Variants in TMEM191C observed in about 807,000 individuals in gnomAD.
TMEM191C encodes KB-1323B2.6.
Under a neutral mutation model 37.1 loss-of-function variants are expected in TMEM191C, and 26 were observed. That is an observed-to-expected ratio of 0.70 (90% confidence interval 0.51 to 0.97). The LOEUF (loss-of-function observed/expected upper bound fraction) is 0.97. TMEM191C is among the 50% of genes least tolerant of loss of function. The probability of loss-of-function intolerance (pLI) is 0.00; values close to 1 mark genes in which losing one functional copy is unlikely to be tolerated. For synonymous variants in TMEM191C, 115 were observed against 143.7 expected, an observed-to-expected ratio of 0.80 and a Z score of 1.43; for missense variants, 240 against 294.7, an observed-to-expected ratio of 0.81 and a Z score of 1.36.
Position 21,469,182 on chromosome 22 carries a change from G to C in TMEM191C, c.578G>C (p.Ser193Thr). 1 of 884,834 alleles carries C rather than the reference G, an allele frequency of 1.1e-6. No individual in the cohort carries two copies. Among genetic ancestry groups the C allele is most frequent in the South Asian group, 1.7e-5 (1 of 59,036 alleles). The allele number at this position is 884,834 out of a possible 1,614,324, so 54.8% of individuals were successfully genotyped here. ...GCGGAGGAGCTGGACGCCTGGCAGA[G>C]TGGCCGGGAACTGTAAGGGAGTTGG... ...EAAEELDAWQ[S>T]GRELCDGQLR... Residue 193 changes from serine (S) to threonine (T), a missense_variant, in exon 7 of 10, where the codon AGT becomes ACT. Ser to Thr is a moderately conservative substitution (Grantham distance 58, BLOSUM62 1). This residue lies in a region of TMEM191C where 34 missense variants were observed against 89.0 expected (regional missense o/e 0.38). Coordinates refer to ENST00000536718, the MANE Select transcript of TMEM191C (RefSeq NM_001388354.1).
At position 21,469,763 on chromosome 22, in the gene TMEM191C, T is replaced by G. The variant is rs1162568584; in HGVS notation, c.851T>G (p.Leu284Arg). The G allele has an allele frequency of 2.0e-6, 3 of 1,531,410 alleles. No homozygotes were observed. The highest frequency in any genetic ancestry group is 2.6e-6 in the Non-Finnish European group (3 of 1,146,080). 94.9% of individuals were successfully genotyped at this position (1,531,410 alleles called of 1,614,324 possible). Residue 284 changes from leucine (L) to arginine (R), a missense_variant, in exon 10 of 10, where the codon CTG (leucine) becomes CGG (arginine). Leu to Arg is a moderately radical substitution (Grantham distance 102, BLOSUM62 -2). Transcript: ENST00000536718. ...ACCTCGGAGACGACGCTGCGCCGCC[T>G]GCGCTACACGCTGTCCCCGCTGCTG... ...SLTSETTLRR[L>R]RYTLSPLLEL... is the part of the protein sequence containing the mutation.
rs943921058 is a variant in TMEM191C at position 21,468,136 on chromosome 22, A to G, written c.280-16A>G. 2.7e-6 allele frequency: 4 copies of G among 1,498,740 alleles called. No individual in the cohort carries two copies. The highest frequency in any genetic ancestry group is 2.5e-5 in the East Asian group (1 of 40,000). 92.8% of individuals were successfully genotyped at this position (1,498,740 alleles called of 1,614,324 possible). On this transcript the variant is annotated splice_polypyrimidine_tract_variant and intron_variant, in intron 2 of 9. Transcript: ENST00000536718. ...CCGGCGGAGAGGTCGGCACCGCCCC[A>G]GGACCCCGTCCGCAGGAGCAGCACA...
intron 1 of TMEM191C, 34 bp downstream of exon 1, chr22:21,467,648 C>A: frequency 6.7e-7 from 1 of 1,498,754 alleles, no homozygotes; most frequent in Admixed American, 2.3e-5. Flanking sequence ...CTGGCGGGCG[C>A]GCGAGGGTCG....
chr22:21,468,392 C>G lies in TMEM191C; in HGVS notation c.369C>G (p.Ser123Arg), dbSNP rs1332464647. 2 of 1,534,322 alleles carry G rather than the reference C, an allele frequency of 1.3e-6. No individual in the cohort carries two copies. The highest frequency in any genetic ancestry group is 2.7e-5 in the African/African-American group (2 of 72,804). Reference protein sequence around the residue: ...YYGGELQSQKSTEQQLAAQLV... With the variant: ...YYGGELQSQKRTEQQLAAQLV... ...GAGGGGAACTGCAGAGCCAGAAGAG[C>G]ACGGAGCAGCAACTCGCAGCCCAAT... The change falls in exon 4 of 10, where the codon AGC becomes AGG. Residue 123 changes from serine (S) to arginine (R), a missense_variant. Around this residue, in one of 3 missense-constraint regions of TMEM191C, gnomAD observed 34 missense variants for 89.0 expected, o/e 0.38. Coordinates refer to ENST00000536718, the MANE Select transcript of TMEM191C (RefSeq NM_001388354.1).
In TMEM191C at chr22:21,468,441, C is replaced by A. The variant is rs1411463241; in HGVS notation, c.408+10C>A. On this transcript the variant is annotated intron_variant, in intron 4 of 9. Transcript: ENST00000536718. ...ATTGGTGACGCTGCAGGTGCTTGAG[C>A]GGGACCCTGAGGTGTTTAGTAGGGG... 4.9e-5 allele frequency: 73 copies of A among 1,500,096 alleles called. No homozygotes were observed. Among genetic ancestry groups the A allele is most frequent in the Admixed American group, 8.2e-5 (4 of 48,732 alleles). The allele number at this position is 1,500,096 out of a possible 1,614,324, so 92.9% of individuals were successfully genotyped here. A position where few individuals can be genotyped will look rare whatever the true frequency, so the allele number is the denominator to read the frequency against.
In TMEM191C at chr22:21,467,624, G is replaced by A; in HGVS notation, c.155+10G>A. On this transcript the variant is annotated intron_variant, in intron 1 of 9. Coordinates refer to ENST00000536718, the MANE Select transcript of TMEM191C (RefSeq NM_001388354.1). Reference sequence around the variant, plus strand: ...GCGAGCGGGAGCGGAGGTGCGCGGGGAACGCCCCTCTACCTGGCGGGCGCG... The same window carrying A: ...GCGAGCGGGAGCGGAGGTGCGCGGGAAACGCCCCTCTACCTGGCGGGCGCG... 6.5e-7 allele frequency: 1 copy of A among 1,530,590 alleles called. No individual in the cohort carries two copies. Among genetic ancestry groups the A allele is most frequent in the Non-Finnish European group, 8.7e-7 (1 of 1,145,260 alleles). The allele number at this position is 1,530,590 out of a possible 1,614,324, so 94.8% of individuals were successfully genotyped here.
At chr22:21,468,323 T>C in intron 3 of TMEM191C, 31 bp from the exon 4 acceptor site, 2 of 1,535,268 alleles carry the variant, frequency 1.3e-6, no homozygotes, top group Non-Finnish European at 1.7e-6. Flanking sequence ...AGAAGCCCGG[T>C]AAACCCCGCC....
Position 21,469,146 on chromosome 22 carries a change from T to G in TMEM191C, c.542T>G (p.Val181Gly). The G allele has an allele frequency of 5.3e-6, 3 of 568,640 alleles. No homozygotes were observed. Among genetic ancestry groups the G allele is most frequent in the Non-Finnish European group, 9.2e-6 (3 of 324,744 alleles). The allele number at this position is 568,640 out of a possible 1,614,324, so 35.2% of individuals were successfully genotyped here. Residue 181 changes from valine (V) to glycine (G), a missense_variant, in exon 7 of 10, where the codon GTG (valine) becomes GGG (glycine). Coordinates refer to ENST00000536718, the MANE Select transcript of TMEM191C (RefSeq NM_001388354.1). ...TVVLQEVQVK[V>G]MEAAEELDAW... ...CCGCTCCAGGAGGTGCAGGTGAAGG[T>G]GATGGAGGCTGCGGAGGAGCTGGAC...
In TMEM191C at chr22:21,469,402, TC is replaced by T. The variant is rs1185855380; in HGVS notation, c.663+63del. ...GGCTGGAGCGGGACAACCCTCCCCGTCCCCCCCGCGGTACCGCCTCCCCCTC... is the reference window on the plus strand; with the variant it reads ...GGCTGGAGCGGGACAACCCTCCCCGTCCCCCCGCGGTACCGCCTCCCCCTC... On this transcript the variant is annotated intron_variant, in intron 8 of 9. Coordinates refer to ENST00000536718, the MANE Select transcript of TMEM191C (RefSeq NM_001388354.1). The T allele has an allele frequency of 1.2e-3, 1,504 of 1,289,216 alleles. 24 individuals are homozygous for T. In the East Asian group the frequency reaches 0.031, roughly 27 times the overall value. 79.9% of individuals were successfully genotyped at this position (1,289,216 alleles called of 1,614,324 possible).
rs780347850 is a variant in TMEM191C at position 21,468,361 on chromosome 22, A to G, written c.338A>G (p.Tyr113Cys). 7 of 1,535,278 alleles carry G rather than the reference A, an allele frequency of 4.6e-6. No homozygotes were observed. The highest frequency in any genetic ancestry group is 3.6e-5 in the South Asian group (3 of 84,026). Reference sequence around the variant, plus strand: ...TACAAGCCCCGCCCCTAGCTCTTCTACTACGGAGGGGAACTGCAGAGCCAG... The same window carrying G: ...TACAAGCCCCGCCCCTAGCTCTTCTGCTACGGAGGGGAACTGCAGAGCCAG... ...QWEELSSQLFYYGGELQSQKS... is the reference protein window; with the variant it reads ...QWEELSSQLFCYGGELQSQKS... The change falls in exon 4 of 10, where the codon TAC (tyrosine) becomes TGC (cysteine). Residue 113 changes from tyrosine to cysteine, a missense_variant. Tyr to Cys is a radical substitution (Grantham distance 194, BLOSUM62 -2). Transcript: ENST00000536718.
rs888258834 is a variant in TMEM191C at position 21,469,518 on chromosome 22, C to G, written c.688C>G (p.Arg230Gly). The G allele has an allele frequency of 6.3e-5, 86 of 1,356,348 alleles. No homozygotes were observed. The African/African-American group carries it at 1.2e-3, about 18-fold the overall frequency. 84.0% of individuals were successfully genotyped at this position (1,356,348 alleles called of 1,614,324 possible). ...GGAGACGCGGCTGTTCGGCGGCCCTCGCGCGCTGGCCATCAGGTGAGCCGG... is the reference window on the plus strand; with the variant it reads ...GGAGACGCGGCTGTTCGGCGGCCCTGGCGCGCTGGCCATCAGGTGAGCCGG... ...DRETRLFGGP[R>G]ALAIRRCVLG... is the part of the protein sequence containing the mutation. The change falls in exon 9 of 10, where the codon CGC becomes GGC. Residue 230 changes from arginine to glycine, a missense_variant. Around this residue, in one of 3 missense-constraint regions of TMEM191C, gnomAD observed 76 missense variants for 100.0 expected, o/e 0.76. Coordinates refer to ENST00000536718, the MANE Select transcript of TMEM191C (RefSeq NM_001388354.1).
rs1368950556 is a variant in TMEM191C, at chr22:21,468,364, A to G, written c.341A>G (p.Tyr114Cys). ...WEELSSQLFY[Y>C]GGELQSQKST... Reference sequence around the variant, plus strand: ...AAGCCCCGCCCCTAGCTCTTCTACTACGGAGGGGAACTGCAGAGCCAGAAG... The same window carrying G: ...AAGCCCCGCCCCTAGCTCTTCTACTGCGGAGGGGAACTGCAGAGCCAGAAG... Residue 114 changes from tyrosine (Y) to cysteine (C), a missense_variant, in exon 4 of 10, where the codon TAC becomes TGC. Around this residue, in one of 3 missense-constraint regions of TMEM191C, gnomAD observed 130 missense variants for 105.7 expected, o/e 1.23. Transcript: ENST00000536718. The G allele has an allele frequency of 1.3e-6, 2 of 1,535,176 alleles. No individual in the cohort carries two copies. Among genetic ancestry groups the G allele is most frequent in the South Asian group, 1.2e-5 (1 of 84,020 alleles).
chr22:21,468,305 G>A, intron 3 of TMEM191C, 49 bp from the exon 4 acceptor site: 2 of 1,535,314 alleles, frequency 1.3e-6, no homozygotes, highest in South Asian at 1.2e-5. Flanking sequence ...CCTGACACCC[G>A]TTCCTCCAGA....
intron 3 of TMEM191C, 74 bp from the exon 4 acceptor site, chr22:21,468,280 C>T (rs1924603740): frequency 3.3e-6 from 5 of 1,534,762 alleles, no homozygotes; most frequent in Middle Eastern, 1.9e-4. Flanking sequence ...TTGTTGCCTC[C>T]CCGTCCCTGT....
At chr22:21,467,661 C>T in intron 1 of TMEM191C, 47 bp downstream of exon 1, 2 of 1,454,478 alleles carry the variant, frequency 1.4e-6, no homozygotes, top group East Asian at 2.5e-5. Flanking sequence ...GAGGGTCGGT[C>T]CCGCAGGCAG....
chr22:21,468,317 G>C, intron 3 of TMEM191C, 37 bp from the exon 4 acceptor site: 1 of 1,535,392 alleles, frequency 6.5e-7, no homozygotes, highest in Non-Finnish European at 8.7e-7. Flanking sequence ...TCCTCCAGAA[G>C]CCCGGTAAAC....
rs1185460537 is a variant in TMEM191C, at chr22:21,469,816, A to G, written c.904A>G (p.Thr302Ala). The G allele has an allele frequency of 2.6e-6, 4 of 1,532,240 alleles. No homozygotes were observed. Among genetic ancestry groups the G allele is most frequent in the Non-Finnish European group, 3.5e-6 (4 of 1,146,246 alleles). 94.9% of individuals were successfully genotyped at this position (1,532,240 alleles called of 1,614,324 possible). The stretch of plus-strand genomic sequence containing the variant: ...GCTGCGCGCTAACGGGCTTCTGCCA[A>G]CCTAAGTGCAGCGCCCCGCGCCTGG... ...LELRANGLLP[T>A] The change falls in exon 10 of 10, where the codon ACC becomes GCC. Residue 302 changes from threonine to alanine, a missense_variant. Physicochemically the swap from Thr to Ala is moderately conservative, Grantham distance 58. Coordinates refer to ENST00000536718, the MANE Select transcript of TMEM191C (RefSeq NM_001388354.1).
Position 21,469,603 on chromosome 22 carries a change from C to T in TMEM191C, c.705-14C>T. ...CCCGAGTTGCCGCCCACCTGCCCGCCTTTCGCCCCGCAGGCGGTGCGTGCT... is the reference window on the plus strand; with the variant it reads ...CCCGAGTTGCCGCCCACCTGCCCGCTTTTCGCCCCGCAGGCGGTGCGTGCT... On this transcript the variant is annotated splice_polypyrimidine_tract_variant and intron_variant, in intron 9 of 9. Transcript: ENST00000536718. 5 of 1,478,182 alleles carry T rather than the reference C, an allele frequency of 3.4e-6. No individual in the cohort carries two copies. Among genetic ancestry groups the T allele is most frequent in the Non-Finnish European group, 4.4e-6 (5 of 1,123,886 alleles). 91.6% of individuals were successfully genotyped at this position (1,478,182 alleles called of 1,614,324 possible).
At chr22:21,469,416 C>T (rs1924658192) in intron 8 of TMEM191C, 70 bp downstream of exon 8, 3 of 1,307,104 alleles carry the variant, frequency 2.3e-6, no homozygotes, top group Non-Finnish European at 1.9e-6. Context: ...CCCCGCGGTA[C>T]CGCCTCCCCC....
Sources: gnomAD v4.1 joint callset for allele counts on GRCh38, gnomAD v4.1.1 for gene constraint, gnomAD v4.1.1 regional missense constraint, MANE v1.5 for transcripts, NCBI Gene and HGNC (gene_info 2026-07-23, HGNC 2026-07-21) for gene names.